Variants in CHCHD3 observed in about 807,000 individuals in gnomAD.
CHCHD3 encodes the protein coiled-coil-helix-coiled-coil-helix domain containing 3.
CHCHD3 carries 20 observed loss-of-function variants against 38.2 expected under a neutral mutation model. The ratio of observed to expected loss-of-function variants is 0.52; its 90% CI spans 0.37 to 0.76. The LOEUF (loss-of-function observed/expected upper bound fraction) is 0.76. CHCHD3 is among the 30% of genes least tolerant of loss of function. The pLI, the probability that CHCHD3 is intolerant of heterozygous loss-of-function variation, is 0.00. For missense variants in CHCHD3, 245 were observed against 279.2 expected, an observed-to-expected ratio of 0.88 and a Z score of 0.87; for synonymous variants, 82 against 100.0, an observed-to-expected ratio of 0.82 and a Z score of 1.07.
chr7:133,069,719 C>T (rs1462053255), intron 2 of CHCHD3, among the ~76,000 whole-genome samples: 16 of 152,100 alleles, frequency 1.1e-4, no homozygotes, highest in Admixed American at 1.0e-3. Flanking sequence ...ACAAACTAAA[C>T]CTTTTATAAA....
intron 2 of CHCHD3, among the ~76,000 whole-genome samples, chr7:133,028,305 C>T (rs570144848): frequency 7.2e-5 from 11 of 152,156 alleles, no homozygotes; most frequent in East Asian, 5.8e-4. Flanking sequence ...TAAAACTAGG[C>T]TTCTGTAAAA....
chr7:132,887,408 T>A (rs1353864805), intron 4 of CHCHD3, among the ~76,000 whole-genome samples: 1 of 151,342 alleles, frequency 6.6e-6, no homozygotes, highest in Non-Finnish European at 1.5e-5. Flanking sequence ...AAAGACCTCT[T>A]TAAATTCAAC....
intron 4 of CHCHD3, among the ~76,000 whole-genome samples, chr7:132,898,504 T>C (rs1309201284): frequency 6.6e-6 from 1 of 152,220 alleles, no homozygotes; most frequent in African/African-American, 2.4e-5. Flanking sequence ...ACAAAGGTTC[T>C]CCACATCCCC....
intron 5 of CHCHD3, among the ~76,000 whole-genome samples, chr7:132,878,226 A>G (rs1267535414): frequency 6.6e-6 from 1 of 152,178 alleles, no homozygotes; most frequent in Admixed American, 6.5e-5. Flanking sequence ...ATTTCTTCCC[A>G]TAAGAAGCAC....
At chr7:133,057,356 G>A (rs990138606) in intron 2 of CHCHD3, among the ~76,000 whole-genome samples, 2 of 152,124 alleles carry the variant, frequency 1.3e-5, no homozygotes, top group South Asian at 4.1e-4. Flanking sequence ...GAAGCCAGGA[G>A]TTTGAGACCA....
At chr7:132,802,675 G>A (rs1347775674) in intron 6 of CHCHD3, among the ~76,000 whole-genome samples, 1 of 152,258 alleles carries the variant, frequency 6.6e-6, no homozygotes, top group East Asian at 1.9e-4. Context: ...CGCTAAAAAG[G>A]GAGATAAAAT....
chr7:132,998,825 T>A (rs2117386809), intron 3 of CHCHD3, among the ~76,000 whole-genome samples: 1 of 152,240 alleles, frequency 6.6e-6, no homozygotes, highest in African/African-American at 2.4e-5. Context: ...TTTAATCAAA[T>A]CAATGGGTAA....
intron 4 of CHCHD3, among the ~76,000 whole-genome samples, chr7:132,913,435 G>A (rs1262521732): frequency 6.6e-6 from 1 of 152,130 alleles, no homozygotes; most frequent in Non-Finnish European, 1.5e-5. Context: ...CAAGAGTCTG[G>A]GTAGGAATTC....
chr7:132,864,335 G>A (rs540045116), intron 5 of CHCHD3, among the ~76,000 whole-genome samples: 2 of 152,260 alleles, frequency 1.3e-5, no homozygotes, highest in African/African-American at 4.8e-5. Context: ...GGAGGAGTCA[G>A]AACACACACG....
At chr7:132,787,756 T>C (rs1259545884) in intron 7 of CHCHD3, among the ~76,000 whole-genome samples, 2 of 152,128 alleles carry the variant, frequency 1.3e-5, no homozygotes, top group Non-Finnish European at 2.9e-5. Context: ...AAAGTGTTCA[T>C]CATTATAGGT....
chr7:132,936,522 CT>C (rs1452891489), intron 4 of CHCHD3, among the ~76,000 whole-genome samples: 1 of 152,148 alleles, frequency 6.6e-6, no homozygotes, highest in Non-Finnish European at 1.5e-5. Context: ...GAATGTCTTC[CT>C]ACAACTTGCT....
chr7:132,859,314 T>A (rs772093526), intron 5 of CHCHD3, among the ~76,000 whole-genome samples: 1 of 152,146 alleles, frequency 6.6e-6, no homozygotes, highest in Non-Finnish European at 1.5e-5. Flanking sequence ...CAAAAGCAGA[T>A]CCACATGTCA....
chr7:132,902,996 T>C (rs1328424620), intron 4 of CHCHD3, among the ~76,000 whole-genome samples: 1 of 152,146 alleles, frequency 6.6e-6, no homozygotes, highest in Non-Finnish European at 1.5e-5. Context: ...TGATCACCAT[T>C]GTCAACTTAC....
intron 4 of CHCHD3, among the ~76,000 whole-genome samples, chr7:132,952,845 AG>A (rs1251402103): frequency 4.6e-5 from 7 of 152,234 alleles, no homozygotes; most frequent in Non-Finnish European, 7.3e-5. Flanking sequence ...TTATGACAAC[AG>A]GGAAGGTGGC....
chr7:132,858,859 T>A (rs1261646758), intron 5 of CHCHD3, among the ~76,000 whole-genome samples: 1 of 152,182 alleles, frequency 6.6e-6, no homozygotes, highest in Non-Finnish European at 1.5e-5. Context: ...GCGCTTTACA[T>A]AGATTGTCTC....
At chr7:132,886,068 A>C (rs80199813) in intron 4 of CHCHD3, among the ~76,000 whole-genome samples, 1 of 152,290 alleles carries the variant, frequency 6.6e-6, no homozygotes, top group East Asian at 1.9e-4. Flanking sequence ...ATTTTGTACA[A>C]TGAAACTTTA....
At position 133,014,279 on chromosome 7, in the gene CHCHD3, T is replaced by C. The variant is rs570223942; in HGVS notation, c.251+10267A>G. On this transcript the variant is annotated intron_variant, in intron 3 of 7. Coordinates refer to ENST00000262570, the MANE Select transcript of CHCHD3 (RefSeq NM_017812.4). ...TTTACATGGTTAATCTGTGTTTTAA[T>C]GCTTTATACCTGACACCTAAATCAC... Among the ~76,000 whole-genome samples the C allele has an allele frequency of 2.2e-3, 331 of 151,192 alleles. 2 individuals are homozygous for C. The highest frequency in any genetic ancestry group is 3.7e-3 in the Non-Finnish European group (252 of 67,938).
intron 2 of CHCHD3, among the ~76,000 whole-genome samples, chr7:133,027,141 G>A (rs560545185): frequency 6.6e-6 from 1 of 151,712 alleles, no homozygotes; most frequent in Non-Finnish European, 1.5e-5. Context: ...ATTTCACCAT[G>A]TTGGCCAGGC....
chr7:132,917,956 T>C (rs1810157590), intron 4 of CHCHD3, among the ~76,000 whole-genome samples: 1 of 151,408 alleles, frequency 6.6e-6, no homozygotes, highest in Non-Finnish European at 1.5e-5. Context: ...ATATATCCAT[T>C]CCAAGCAGGT....
Sources: allele counts gnomAD v4.1 joint callset (sites outside exome capture counted in the v4.1 genomes callset), GRCh38; gene constraint gnomAD v4.1.1; transcripts MANE v1.5; gene names NCBI Gene and HGNC (gene_info 2026-07-23, HGNC 2026-07-21).